WASF3: variants seen among roughly 807,000 people sequenced by gnomAD.
The protein encoded by WASF3 is WASP family member 3, also known as actin-binding protein WASF3.
WASF3 carries 11 observed loss-of-function variants against 46.6 expected under a neutral mutation model. That is an observed-to-expected ratio of 0.24 (90% CI 0.15 to 0.39). The LOEUF (loss-of-function observed/expected upper bound fraction) is 0.39. WASF3 is among the 10% of genes least tolerant of loss of function. The probability of loss-of-function intolerance (pLI) is 1.00; values close to 1 mark genes in which losing one functional copy is unlikely to be tolerated. For missense variants in WASF3, 576 were observed against 669.8 expected (o/e 0.86, Z 1.55); for synonymous variants, 242 against 259.7 (o/e 0.93, Z 0.65).
At chr13:26,631,188 G>A (rs967018368) in intron 2 of WASF3, among the ~76,000 whole-genome samples, 1 of 152,116 alleles carries the variant, frequency 6.6e-6, no homozygotes, top group East Asian at 1.9e-4. Flanking sequence ...TCTGGCTTTT[G>A]TTTCCATTGC....
intron 1 of WASF3, among the ~76,000 whole-genome samples, chr13:26,594,285 T>G (rs1299995779): frequency 6.6e-6 from 1 of 152,184 alleles, no homozygotes; most frequent in African/African-American, 2.4e-5. Context: ...AACTCTGCAT[T>G]TGTTAGATAT....
the WASF3 span, among the ~76,000 whole-genome samples, chr13:26,551,611 A>G: frequency 6.6e-6 from 1 of 152,174 alleles, no homozygotes; most frequent in Non-Finnish European, 1.5e-5. Context: ...GTGCAAGGAG[A>G]GTACAGAGGC....
At chr13:26,662,006 G>C (rs1165670370) in intron 3 of WASF3, among the ~76,000 whole-genome samples, 1 of 152,206 alleles carries the variant, frequency 6.6e-6, no homozygotes, top group African/African-American at 2.4e-5. Flanking sequence ...AGAGGGAGCA[G>C]AGCAGCTGTG....
At chr13:26,598,907 G>C (rs1397487022) in intron 1 of WASF3, among the ~76,000 whole-genome samples, 1 of 152,124 alleles carries the variant, frequency 6.6e-6, no homozygotes, top group African/African-American at 2.4e-5. Context: ...GTCTCGCTCT[G>C]TTGCCCAGAC....
intron 2 of WASF3, among the ~76,000 whole-genome samples, chr13:26,626,619 A>G (rs1386849962): frequency 6.6e-6 from 1 of 152,202 alleles, no homozygotes; most frequent in Non-Finnish European, 1.5e-5. Flanking sequence ...AAGCAACACA[A>G]CCGTATGCTC....
chr13:26,629,114 C>G (rs976599101), intron 2 of WASF3, among the ~76,000 whole-genome samples: 4 of 152,206 alleles, frequency 2.6e-5, no homozygotes, highest in African/African-American at 9.6e-5. Context: ...AGTGGGTCCC[C>G]TCGTCAGATG....
chr13:26,680,922 T>G, intron 7 of WASF3, 132 bp from the exon 8 acceptor site: 22 of 1,152,130 alleles, frequency 1.9e-5, no homozygotes, highest in Non-Finnish European at 2.3e-5. Context: ...TATACCTAGT[T>G]GATAGTAAAG....
chr13:26,557,653 C>A (rs1006573774), upstream of WASF3: 3 of 158,464 alleles, frequency 1.9e-5, no homozygotes, highest in Middle Eastern at 2.9e-3. Context: ...CGGCCGAGCC[C>A]CCCCGCCGGG....
intron 2 of WASF3, among the ~76,000 whole-genome samples, chr13:26,624,695 A>G (rs1475055061): frequency 1.3e-5 from 2 of 152,130 alleles, no homozygotes; most frequent in East Asian, 3.8e-4. Context: ...AGTTGCTGAA[A>G]TACCCAAGGT....
At chr13:26,619,694 T>A (rs1320548585) in intron 2 of WASF3, among the ~76,000 whole-genome samples, 2 of 152,292 alleles carry the variant, frequency 1.3e-5, no homozygotes, top group African/African-American at 4.8e-5. Context: ...AAACCATCTG[T>A]TTAATAAGAT....
At chr13:26,598,462 C>T (rs538826234) in intron 1 of WASF3, among the ~76,000 whole-genome samples, 22 of 152,112 alleles carry the variant, frequency 1.4e-4, no homozygotes, top group South Asian at 8.3e-4. Context: ...CTCTTCGGCC[C>T]GATGATTTTT....
At chr13:26,680,006 C>T (rs772379697) in intron 7 of WASF3, 10 of 1,588,666 alleles carry the variant, frequency 6.3e-6, no homozygotes, top group Non-Finnish European at 7.7e-6. Flanking sequence ...CCCTCAGCAC[C>T]CCCAATGTGT....
intron 1 of WASF3, among the ~76,000 whole-genome samples, chr13:26,573,144 C>T (rs1173374147): frequency 1.3e-5 from 2 of 152,042 alleles, no homozygotes; most frequent in African/African-American, 4.8e-5. Flanking sequence ...TTTTTCAGTT[C>T]TTCTATGGAA....
chr13:26,552,646 A>G, the WASF3 span, among the ~76,000 whole-genome samples: 1 of 45,318 alleles, frequency 2.2e-5, no homozygotes, highest in Non-Finnish European at 4.4e-5. Flanking sequence ...ACAAATGAGC[A>G]TGTCAAAAAT....
intron 1 of WASF3, chr13:26,577,134 A>T: frequency 1.3e-6 from 1 of 774,300 alleles, no homozygotes; most frequent in Non-Finnish European, 2.3e-6. Flanking sequence ...CATTTAGAAA[A>T]TTCAAGCTGA....
intron 1 of WASF3, among the ~76,000 whole-genome samples, chr13:26,611,206 T>C (rs1013119972): frequency 2.6e-5 from 4 of 152,080 alleles, no homozygotes. Context: ...TCATCCTGAC[T>C]CTTCTTTTTC....
chr13:26,577,974 T>A (rs577808135), intron 1 of WASF3, among the ~76,000 whole-genome samples: 47 of 152,346 alleles, frequency 3.1e-4, no homozygotes, highest in African/African-American at 1.1e-3. Flanking sequence ...TTTGTTGAAT[T>A]TGTCTTTTAA....
intron 1 of WASF3, among the ~76,000 whole-genome samples, chr13:26,598,467 A>G (rs1880542993): frequency 6.6e-6 from 1 of 152,070 alleles, no homozygotes; most frequent in Admixed American, 6.6e-5. Flanking sequence ...CGGCCCGATG[A>G]TTTTTTATTG....
intron 1 of WASF3, among the ~76,000 whole-genome samples, chr13:26,599,023 A>G (rs1165419549): frequency 6.6e-6 from 1 of 151,878 alleles, no homozygotes; most frequent in African/African-American, 2.4e-5. Flanking sequence ...CATGCATGCC[A>G]CCGCGCCTGG....
Sources: gnomAD v4.1 joint callset for allele counts (sites outside exome capture counted in the v4.1 genomes callset) on GRCh38, gnomAD v4.1.1 for gene constraint, MANE v1.5 for transcripts, NCBI Gene and HGNC (gene_info 2026-07-23, HGNC 2026-07-21) for gene names.